The following ADCK1 variants were observed in gnomAD, a reference collection of about 807,000 sequenced individuals.
ADCK1 encodes the protein aarF domain-containing protein kinase 1.
A neutral mutation model predicts 52.3 loss-of-function variants in ADCK1; 41 were observed. The observed-to-expected ratio is 0.78, with a 90% confidence interval of 0.61 to 1.02. ADCK1 has a LOEUF of 1.02. Among genes scored for constraint, ADCK1 ranks in the 50% least tolerant of loss-of-function variants. The pLI is 0.00. For synonymous variants in ADCK1, 250 were observed against 274.6 expected (o/e 0.91, Z 0.89); for missense variants, 658 against 679.5 (o/e 0.97, Z 0.35).
chr14:77,821,891 G>GAAAA (rs35265585), intron 2 of ADCK1, among the ~76,000 whole-genome samples: 13 of 109,582 alleles, frequency 1.2e-4, no homozygotes, highest in African/African-American at 4.5e-4. Flanking sequence ...CTCTGTCTCA[G>GAAAA]AAAAAAAAAA....
intron 1 of ADCK1, among the ~76,000 whole-genome samples, chr14:77,815,804 A>C (rs888851915): frequency 3.0e-5 from 4 of 133,540 alleles, no homozygotes; most frequent in Non-Finnish European, 4.7e-5. Context: ...GGTGTGAGCC[A>C]CCGCACCTGG....
chr14:77,905,824 G>A (rs547128506), intron 6 of ADCK1, among the ~76,000 whole-genome samples: 5 of 152,042 alleles, frequency 3.3e-5, no homozygotes, highest in South Asian at 4.2e-4. Context: ...TAAAGAAACC[G>A]ACAAAGCAAC....
At chr14:77,807,309 C>A (rs1394050814) in intron 1 of ADCK1, among the ~76,000 whole-genome samples, 1 of 150,964 alleles carries the variant, frequency 6.6e-6, no homozygotes, top group Non-Finnish European at 1.5e-5. Flanking sequence ...ACCTCGTGAT[C>A]CGCCCGCCTC....
At chr14:77,829,292 A>G (rs1254300879) in intron 3 of ADCK1, among the ~76,000 whole-genome samples, 1 of 88,374 alleles carries the variant, frequency 1.1e-5, no homozygotes, top group Non-Finnish European at 2.6e-5. Flanking sequence ...CTAAAAAACT[A>G]AGATTTTTTT....
chr14:77,879,767 C>T (rs2082980914), intron 4 of ADCK1, among the ~76,000 whole-genome samples: 1 of 152,086 alleles, frequency 6.6e-6, no homozygotes, highest in South Asian at 2.1e-4. Flanking sequence ...AGGGTGGTGG[C>T]TTACACTCAC....
intron 7 of ADCK1, 139 bp from the exon 8 acceptor site, chr14:77,924,318 T>G (rs1258653904): frequency 9.5e-7 from 1 of 1,052,138 alleles, no homozygotes; most frequent in Admixed American, 2.7e-5. Context: ...TCTCAAACAA[T>G]CACTCCCACC....
At chr14:77,901,066 A>G (rs2083529599) in intron 6 of ADCK1, among the ~76,000 whole-genome samples, 2 of 137,736 alleles carry the variant, frequency 1.5e-5, no homozygotes, top group African/African-American at 5.4e-5. Flanking sequence ...TTTTTTTGAG[A>G]CAGAGTCTCG....
chr14:77,848,954 T>C (rs1315131925), intron 3 of ADCK1, among the ~76,000 whole-genome samples: 1 of 151,966 alleles, frequency 6.6e-6, no homozygotes, highest in African/African-American at 2.4e-5. Context: ...GCCTCCTGAG[T>C]AGCTGGGACT....
At chr14:77,811,365 C>G (rs2081335113) in intron 1 of ADCK1, among the ~76,000 whole-genome samples, 1 of 152,106 alleles carries the variant, frequency 6.6e-6, no homozygotes, top group African/African-American at 2.4e-5. Context: ...CTGTTATCCC[C>G]TTTGTGTATG....
At chr14:77,819,378 T>C (rs2081534008) in intron 2 of ADCK1, among the ~76,000 whole-genome samples, 2 of 152,234 alleles carry the variant, frequency 1.3e-5, no homozygotes, top group African/African-American at 4.8e-5. Context: ...GGGACTGCAC[T>C]GGGTCTGTGT....
At chr14:77,906,687 C>T (rs745379482) in intron 6 of ADCK1, among the ~76,000 whole-genome samples, 20 of 152,132 alleles carry the variant, frequency 1.3e-4, no homozygotes, top group Middle Eastern at 6.8e-3. Flanking sequence ...TTTATTTTTC[C>T]TCATTGTTGC....
rs145495070 is a variant in ADCK1 at position 77,896,590 on chromosome 14, G to C, written c.583-2510G>C. Among the ~76,000 whole-genome samples, 369 of 152,322 alleles carry C rather than the reference G, an allele frequency of 2.4e-3. 2 individuals are homozygous for C. Among genetic ancestry groups the C allele is most frequent in the African/African-American group, 8.5e-3 (354 of 41,572 alleles). The stretch of plus-strand genomic sequence containing the variant: ...CCTGGGGGAATCACTTCTGTTTCCC[G>C]TTCACTTGCTCTGCATCTGCTCTGG... On this transcript the variant is annotated intron_variant, in intron 5 of 10. Transcript: ENST00000238561.
At chr14:77,883,731 G>A (rs1165923964) in intron 4 of ADCK1, among the ~76,000 whole-genome samples, 1 of 152,104 alleles carries the variant, frequency 6.6e-6, no homozygotes, top group South Asian at 2.1e-4. Flanking sequence ...TGTGTGACAG[G>A]TTTCCGGTGC....
intron 6 of ADCK1, among the ~76,000 whole-genome samples, chr14:77,905,634 C>T (rs2083648620): frequency 6.6e-6 from 1 of 151,990 alleles, no homozygotes; most frequent in South Asian, 2.1e-4. Flanking sequence ...AAAATATGTC[C>T]CATTCATTTG....
At chr14:77,931,748 C>A in intron 10 of ADCK1, 37 bp downstream of exon 10, 2 of 1,581,914 alleles carry the variant, frequency 1.3e-6, no homozygotes, top group Non-Finnish European at 1.7e-6. Context: ...CCCTCCTAGC[C>A]CCCTGGCCTG....
intron 2 of ADCK1, chr14:77,821,071 T>C (rs4903650): frequency 0.62 from 93,504 of 151,730 alleles, 29,561 homozygotes; most frequent in Middle Eastern, 0.7. Context: ...GGAGAAAGAG[T>C]AGAGCAAGGA....
At chr14:77,869,110 C>T (rs1341334087) in intron 4 of ADCK1, among the ~76,000 whole-genome samples, 1 of 151,944 alleles carries the variant, frequency 6.6e-6, no homozygotes, top group East Asian at 1.9e-4. Context: ...ATTCAATGCC[C>T]AGAGAGCCGA....
At chr14:77,844,323 C>T (rs1004485124) in intron 3 of ADCK1, among the ~76,000 whole-genome samples, 2 of 152,242 alleles carry the variant, frequency 1.3e-5, no homozygotes, top group South Asian at 4.1e-4. Context: ...CCACGTGTTC[C>T]AACCACCTCG....
intron 1 of ADCK1, among the ~76,000 whole-genome samples, chr14:77,801,005 G>C (rs1473628886): frequency 6.6e-6 from 1 of 152,148 alleles, no homozygotes; most frequent in East Asian, 1.9e-4. Context: ...CAAGATGGGA[G>C]GATTGCTTGA....
Sources: allele counts gnomAD v4.1 joint callset (sites outside exome capture counted in the v4.1 genomes callset), GRCh38; gene constraint gnomAD v4.1.1; transcripts MANE v1.5; gene names NCBI Gene and HGNC (gene_info 2026-07-23, HGNC 2026-07-21).